Variants in TMEM184A observed in about 807,000 individuals in gnomAD.
TMEM184A encodes transmembrane protein 184A, also known as sexually dimorphic, expressed in male gonads 1.
TMEM184A carries 40 observed loss-of-function variants against 39.5 expected under a neutral mutation model. The ratio of observed to expected loss-of-function variants is 1.01; its 90% confidence interval spans 0.79 to 1.32. TMEM184A has a LOEUF of 1.32. TMEM184A is among the 40% of genes most tolerant of loss of function. The probability of loss-of-function intolerance (pLI) is 0.00; values close to 1 mark genes in which losing one functional copy is unlikely to be tolerated. For missense variants in TMEM184A, 603 were observed against 568.8 expected (o/e 1.06, Z -0.61); for synonymous variants, 280 against 252.3 (o/e 1.11, Z -1.04).
rs1022460054 is a variant in TMEM184A, at chr7:1,542,711, C to T, written c.*4241G>A. The T allele has an allele frequency of 1.3e-5, 2 of 152,542 alleles. No individual in the cohort carries two copies. The highest frequency in any genetic ancestry group is 2.4e-5 in the African/African-American group (1 of 41,460). The allele number at this position is 152,542 out of a possible 1,614,324, so 9.4% of individuals were successfully genotyped here. ...GAAAAAGACGAGGGACTCTTTGTCA[C>T]GTGGGTTTGTTTTCTGTCTCCGTGC... On this transcript the variant is annotated 3_prime_UTR_variant, in exon 9 of 9. Coordinates refer to ENST00000297477, the MANE Select transcript of TMEM184A (RefSeq NM_001097620.2).
rs1583206064 is a variant in TMEM184A at position 1,542,252 on chromosome 7, A to C, written c.*4700T>G. ...AAAATATATAGAGATATAAAATTAT[A>C]TTCACAGTTTATCTACAGATTTTTC... On this transcript the variant is annotated 3_prime_UTR_variant, in exon 9 of 9. Coordinates refer to ENST00000297477, the MANE Select transcript of TMEM184A (RefSeq NM_001097620.2). The C allele has an allele frequency of 6.6e-6, 1 of 152,632 alleles. No individual in the cohort carries two copies. Among genetic ancestry groups the C allele is most frequent in the Non-Finnish European group, 1.5e-5 (1 of 68,046 alleles). 9.5% of individuals were successfully genotyped at this position (152,632 alleles called of 1,614,324 possible).
At chr7:1,548,988 C>T in intron 6 of TMEM184A, 1 of 579,458 alleles carries the variant, frequency 1.7e-6, no homozygotes, top group South Asian at 1.5e-5. Context: ...CAGGCTGCCT[C>T]TGTCGGAACG....
intron 2 of TMEM184A, among the ~76,000 whole-genome samples, chr7:1,551,723 G>A (rs1784608265): frequency 6.6e-6 from 1 of 152,008 alleles, no homozygotes; most frequent in African/African-American, 2.4e-5. Context: ...GATCATTTGA[G>A]GTCAGGAGTT....
Position 1,546,928 on chromosome 7 carries a change from AC to A in TMEM184A, c.*23del. 1 of 1,486,436 alleles carries A rather than the reference AC, an allele frequency of 6.7e-7. No individual in the cohort carries two copies. Among genetic ancestry groups the A allele is most frequent in the Non-Finnish European group, 9.0e-7 (1 of 1,116,226 alleles). The allele number at this position is 1,486,436 out of a possible 1,614,324, so 92.1% of individuals were successfully genotyped here. A position where few individuals can be genotyped will look rare whatever the true frequency, so the allele number is the denominator to read the frequency against. On this transcript the variant is annotated 3_prime_UTR_variant, in exon 9 of 9. Coordinates refer to ENST00000297477, the MANE Select transcript of TMEM184A (RefSeq NM_001097620.2). ...AGAGGCCTGGGCAGCCTGGGTCCCT[AC>A]AGCACTGGCAGCCCAGGCCCCCCTA... is the stretch of plus-strand genomic sequence containing the variant.
intron 5 of TMEM184A, 54 bp downstream of exon 5, chr7:1,550,069 G>T: frequency 8.0e-7 from 1 of 1,254,046 alleles, no homozygotes; most frequent in East Asian, 5.0e-5. Context: ...GCCGGCTAGG[G>T]CCCCTGACGG....
intron 2 of TMEM184A, among the ~76,000 whole-genome samples, chr7:1,553,314 G>A (rs28578620): frequency 0.012 from 1,780 of 151,898 alleles, 30 homozygotes; most frequent in African/African-American, 0.036. Context: ...CACCATGCCC[G>A]GCTAATTTTT....
Position 1,555,132 on chromosome 7 carries a change from C to A in TMEM184A, c.219+134G>T, listed in dbSNP as rs2128555439. On this transcript the variant is annotated intron_variant, in intron 2 of 8. Transcript: ENST00000297477. This position sits in a 1 kb window ranked among gnomAD's most constrained non-coding sequence, Gnocchi z 5.2. ...TGCCACATCCTGGGGAAGCTCATCC[C>A]CTCCCCCGTGCCCTGGCCGATCCCA... The A allele has an allele frequency of 1.4e-6, 1 of 693,722 alleles. No individual in the cohort carries two copies. Among genetic ancestry groups the A allele is most frequent in the East Asian group, 3.0e-5 (1 of 32,920 alleles). The allele number at this position is 693,722 out of a possible 1,614,324, so 43.0% of individuals were successfully genotyped here. A position where few individuals can be genotyped will look rare whatever the true frequency, so the allele number is the denominator to read the frequency against.
In TMEM184A at chr7:1,547,101, G is replaced by A; in HGVS notation, c.1093C>T (p.His365Tyr). 6.2e-7 allele frequency: 1 copy of A among 1,610,508 alleles called. No individual in the cohort carries two copies. The highest frequency in any genetic ancestry group is 8.5e-7 in the Non-Finnish European group (1 of 1,179,714). The change falls in exon 9 of 9, where the codon CAC becomes TAC. Residue 365 changes from histidine to tyrosine, a missense_variant. Transcript: ENST00000297477. ...TGCTGGTAGGCGGGGGAGAAGTTGT[G>A]GATGGCGTCCTGCACGATGTCCTGG... ...SPQDIVQDAI[H>Y]NFSPAYQHYT...
Position 1,555,579 on chromosome 7 carries a change from G to A in TMEM184A, c.1-95C>T. 2.1e-6 allele frequency: 2 copies of A among 941,076 alleles called. No homozygotes were observed. The highest frequency in any genetic ancestry group is 1.3e-5 in the South Asian group (1 of 74,526). 58.3% of individuals were successfully genotyped at this position (941,076 alleles called of 1,614,324 possible). A position where few individuals can be genotyped will look rare whatever the true frequency, so the allele number is the denominator to read the frequency against. ...CAGCGGGGGAGGGAGGAGACAGTGA[G>A]ACGGGAGCTGAGGCTGAGCCACCCA... On this transcript the variant is annotated intron_variant, in intron 1 of 8. Transcript: ENST00000297477. The surrounding 1 kb of genome is among the most constrained non-coding windows in gnomAD (Gnocchi z 5.2).
At chr7:1,554,690 G>T (rs1272533238) in intron 2 of TMEM184A, among the ~76,000 whole-genome samples, 1 of 152,214 alleles carries the variant, frequency 6.6e-6, no homozygotes, top group Non-Finnish European at 1.5e-5. Flanking sequence ...CTCTACCTGG[G>T]GGCTGTTCTG....
rs753699397 is a variant in TMEM184A, at chr7:1,547,924, A to G, written c.830T>C (p.Ile277Thr). 6.3e-7 allele frequency: 1 copy of G among 1,577,596 alleles called. No homozygotes were observed. The highest frequency in any genetic ancestry group is 1.8e-5 in the Admixed American group (1 of 55,114). The change falls in exon 8 of 9, where the codon ATC (isoleucine) becomes ACC (threonine). Residue 277 changes from isoleucine (I) to threonine (T), a missense_variant. Transcript: ENST00000297477. Reference sequence around the variant, plus strand: ...CGGGATGACCCCGCACCGCTCCAGGATGGCCAGCAGCAGCCCTGCGGACGC... The same window carrying G: ...CGGGATGACCCCGCACCGCTCCAGGGTGGCCAGCAGCAGCCCTGCGGACGC... ...LSFWQGLLLA[I>T]LERCGVIPEV...
rs932633787 is a variant in TMEM184A, at chr7:1,553,600, G to A, written c.219+1666C>T. 1.1e-4 allele frequency among the ~76,000 whole-genome samples: 16 copies of A among 152,044 alleles called. No individual in the cohort carries two copies. The East Asian group carries it at 1.4e-3, about 13-fold the overall frequency. On this transcript the variant is annotated intron_variant, in intron 2 of 8. Transcript: ENST00000297477. ...GTGGCGGTGGGCGAGCAGAGGCTAC[G>A]TGCACCTGGCCGCTTGGGGTGCAGC...
rs947680804 is a variant in TMEM184A at position 1,546,360 on chromosome 7, G to C, written c.*592C>G. On this transcript the variant is annotated 3_prime_UTR_variant, in exon 9 of 9. Coordinates refer to ENST00000297477, the MANE Select transcript of TMEM184A (RefSeq NM_001097620.2). ...CTCCCCTGGCTGGGCGCCTGGCCAG[G>C]GCTCCCCTGTGGCTGGCGTGTGGAG... 6 of 152,160 alleles carry C rather than the reference G, an allele frequency of 3.9e-5. No homozygotes were observed. Among genetic ancestry groups the C allele is most frequent in the Non-Finnish European group, 7.4e-5 (5 of 68,006 alleles). The allele number at this position is 152,160 out of a possible 1,614,324, so 9.4% of individuals were successfully genotyped here. A position where few individuals can be genotyped will look rare whatever the true frequency, so the allele number is the denominator to read the frequency against.
intron 2 of TMEM184A, among the ~76,000 whole-genome samples, chr7:1,554,442 C>T (rs1038320496): frequency 1.3e-5 from 2 of 152,212 alleles, no homozygotes; most frequent in Non-Finnish European, 2.9e-5. Context: ...TGAAAGCCAC[C>T]TCACCGCACT....
chr7:1,548,603 TG>T lies in TMEM184A; in HGVS notation c.729del (p.Phe243LeufsTer112), dbSNP rs1562556515. 6 of 1,613,544 alleles carry T rather than the reference TG, an allele frequency of 3.7e-6. No homozygotes were observed. The highest frequency in any genetic ancestry group is 3.3e-4 in the Middle Eastern group (2 of 6,062). On this transcript the variant is annotated frameshift_variant, in exon 7 of 9. Coordinates refer to ENST00000297477, the MANE Select transcript of TMEM184A (RefSeq NM_001097620.2). LOFTEE classifies it high-confidence loss of function. ...LALYALFLFY[F>X]TTRELLRPFQ... ...AAGGGCCGCAGGAGCTCCCTGGTGG[TG>T]AAGTAGAAGAGGAACAGGGCGTAGA...
rs761310025 is a variant in TMEM184A at position 1,546,994 on chromosome 7, C to T, written c.1200G>A (p.Arg400=). The change falls in exon 9 of 9, where the codon CGG becomes CGA. Residue 400 remains arginine (R), a synonymous_variant. Coordinates refer to ENST00000297477, the MANE Select transcript of TMEM184A (RefSeq NM_001097620.2). Reference sequence around the variant, plus strand: ...GGATCAGCATCCGCTTCTCCAGGCTCCGGCTCTTCCTGCTCCCGCCGGAGC... The same window carrying T: ...GGATCAGCATCCGCTTCTCCAGGCTTCGGCTCTTCCTGCTCCCGCCGGAGC... ...SGGSGGSRKS[R]SLEKRMLIPS... is the part of the protein sequence containing the mutation. The T allele has an allele frequency of 3.1e-6, 5 of 1,590,208 alleles. No homozygotes were observed. The highest frequency in any genetic ancestry group is 2.2e-5 in the South Asian group (2 of 90,240).
At position 1,546,880 on chromosome 7, in the gene TMEM184A, G is replaced by T; in HGVS notation, c.*72C>A. ...CCCCACCTTTGGCAGGAGTTGGTGG[G>T]TGGGGGGACCCTGTTCTTCCCCAGA... On this transcript the variant is annotated 3_prime_UTR_variant, in exon 9 of 9. Transcript: ENST00000297477. 1.8e-6 allele frequency: 2 copies of T among 1,090,736 alleles called. No homozygotes were observed. The highest frequency in any genetic ancestry group is 1.3e-6 in the Non-Finnish European group (1 of 786,780). 67.6% of individuals were successfully genotyped at this position (1,090,736 alleles called of 1,614,324 possible). A position where few individuals can be genotyped will look rare whatever the true frequency, so the allele number is the denominator to read the frequency against.
At position 1,542,471 on chromosome 7, in the gene TMEM184A, T is replaced by TGG. The variant is rs1259723154; in HGVS notation, c.*4479_*4480dup. 1 of 152,340 alleles carries TGG rather than the reference T, an allele frequency of 6.6e-6. No homozygotes were observed. Among genetic ancestry groups the TGG allele is most frequent in the Non-Finnish European group, 1.5e-5 (1 of 68,072 alleles). The allele number at this position is 152,340 out of a possible 1,614,324, so 9.4% of individuals were successfully genotyped here. The stretch of plus-strand genomic sequence containing the variant: ...GCGGGTGGCCGGTTCTGTCCCGTCT[T>TGG]GGGGTTCTTGGTGTCCACGTCTTGT... On this transcript the variant is annotated 3_prime_UTR_variant, in exon 9 of 9. Coordinates refer to ENST00000297477, the MANE Select transcript of TMEM184A (RefSeq NM_001097620.2).
chr7:1,550,942 T>C lies in TMEM184A; in HGVS notation c.260A>G (p.Gln87Arg). The C allele has an allele frequency of 6.2e-7, 1 of 1,613,598 alleles. No individual in the cohort carries two copies. Among genetic ancestry groups the C allele is most frequent in the East Asian group, 2.2e-5 (1 of 44,872 alleles). ...HLRSYTVPQE[Q>R]RYIIRLLLIV... Reference sequence around the variant, plus strand: ...GAGGAGCAGGCGGATGATGTAACGTTGCTCCTGTGGCACGGTGTAGGAGCG... The same window carrying C: ...GAGGAGCAGGCGGATGATGTAACGTCGCTCCTGTGGCACGGTGTAGGAGCG... Residue 87 changes from glutamine (Q) to arginine (R), a missense_variant, in exon 3 of 9, where the codon CAA (glutamine) becomes CGA (arginine). Transcript: ENST00000297477.
Sources: gnomAD v4.1 joint callset for allele counts (sites outside exome capture counted in the v4.1 genomes callset) on GRCh38, gnomAD v4.1.1 for gene constraint, Gnocchi (gnomAD v3.1) non-coding constraint, MANE v1.5 for transcripts, NCBI Gene and HGNC (gene_info 2026-07-23, HGNC 2026-07-21) for gene names.